Variants in ORMDL3 observed in about 807,000 individuals in gnomAD.
ORMDL3 encodes ORMDL sphingolipid biosynthesis regulator 3, also known as ORM1-like protein 3.
A neutral mutation model predicts 12.6 loss-of-function variants in ORMDL3; 6 were observed. That is an observed-to-expected ratio of 0.48 (90% CI 0.26 to 0.94). The LOEUF (loss-of-function observed/expected upper bound fraction) is 0.94, where lower values mean the gene tolerates loss of function less well. Ranked by LOEUF, ORMDL3 falls within the 40% of genes least tolerant of loss-of-function variation. The pLI is 0.14. For synonymous variants in ORMDL3, 99 were observed against 87.2 expected, an observed-to-expected ratio of 1.14 and a Z score of -0.75; for missense variants, 159 against 205.5, an observed-to-expected ratio of 0.77 and a Z score of 1.38.
At chr17:39,925,439 G>A (rs954497308) in intron 1 of ORMDL3, 1 of 152,178 alleles carries the variant, frequency 6.6e-6, no homozygotes, top group Non-Finnish European at 1.5e-5. Flanking sequence ...CTGAGATAGG[G>A]TCCTGCTTGC....
intron 1 of ORMDL3, chr17:39,926,750 G>C (rs1219653368): frequency 1.3e-5 from 13 of 977,756 alleles, no homozygotes; most frequent in Non-Finnish European, 1.6e-5. Flanking sequence ...AGCACCACCA[G>C]GGCAGCCACC....
Position 39,922,222 on chromosome 17 carries a change from C to A in ORMDL3, c.*328G>T. The A allele has an allele frequency of 4.7e-6, 1 of 212,202 alleles. No homozygotes were observed. Among genetic ancestry groups the A allele is most frequent in the East Asian group, 1.1e-4 (1 of 9,490 alleles). The allele number at this position is 212,202 out of a possible 1,614,324, so 13.1% of individuals were successfully genotyped here. ...AAACAAGTGAGCAGGGGTTTTTCCC[C>A]TGGCCTCCTGTCGCAACTGCGTGGT... On this transcript the variant is annotated 3_prime_UTR_variant, in exon 4 of 4. Transcript: ENST00000304046.
At chr17:39,924,259 A>G (rs1978323475) in intron 1 of ORMDL3, 34 bp from the exon 2 acceptor site, 1 of 1,528,314 alleles carries the variant, frequency 6.5e-7, no homozygotes, top group Non-Finnish European at 8.8e-7. Flanking sequence ...GACAGGTCAC[A>G]CTGCTTTCCC....
At chr17:39,924,591 G>A (rs932975583) in intron 1 of ORMDL3, among the ~76,000 whole-genome samples, 8 of 152,170 alleles carry the variant, frequency 5.3e-5, no homozygotes, top group African/African-American at 1.9e-4. Flanking sequence ...AAGCCCCAGG[G>A]AGAGAATTCT....
chr17:39,923,042 A>G, intron 3 of ORMDL3, 70 bp downstream of exon 3: 4 of 1,582,688 alleles, frequency 2.5e-6, no homozygotes, highest in Non-Finnish European at 2.6e-6. Flanking sequence ...GTTAATAAGC[A>G]TGGCTGGGCC....
At position 39,922,608 on chromosome 17, in the gene ORMDL3, A is replaced by G; in HGVS notation, c.404T>C (p.Leu135Pro). ...GTGGAGCTGGGGCAGCTTGGGGATA[A>G]GCACGCTCATCAGGGACACGGTGTT... is the stretch of plus-strand genomic sequence containing the variant. ...VLNTVSLMSV[L>P]IPKLPQLHGV... The change falls in exon 4 of 4, where the codon CTT (leucine) becomes CCT (proline). Residue 135 changes from leucine (L) to proline (P), a missense_variant. Physicochemically the swap from Leu to Pro is moderately conservative, Grantham distance 98. Coordinates refer to ENST00000304046, the MANE Select transcript of ORMDL3 (RefSeq NM_139280.4). 1 of 1,614,086 alleles carries G rather than the reference A, an allele frequency of 6.2e-7. No homozygotes were observed. The highest frequency in any genetic ancestry group is 8.5e-7 in the Non-Finnish European group (1 of 1,180,020).
intron 1 of ORMDL3, chr17:39,926,782 T>A: frequency 9.1e-6 from 9 of 984,918 alleles, no homozygotes; most frequent in Non-Finnish European, 1.1e-5. Context: ...TCCCATTCCC[T>A]CCCCCAGGAA....
chr17:39,925,199 G>A (rs1393478607), intron 1 of ORMDL3: 12 of 152,436 alleles, frequency 7.9e-5, no homozygotes, highest in Non-Finnish European at 1.5e-4. Flanking sequence ...CCTGTTTCCA[G>A]GTGTATATTA....
At chr17:39,923,052 C>A in intron 3 of ORMDL3, 60 bp downstream of exon 3, 1 of 1,601,784 alleles carries the variant, frequency 6.2e-7, no homozygotes, top group Non-Finnish European at 8.5e-7. Context: ...ATGGCTGGGC[C>A]CTGGGGTCCT....
At position 39,926,862 on chromosome 17, in the gene ORMDL3, G is replaced by A. The variant is rs1195582305; in HGVS notation, c.-23+622C>T. The A allele has an allele frequency of 6.1e-6, 6 of 985,926 alleles. No homozygotes were observed. The African/African-American group carries it at 7.0e-5, about 11-fold the overall frequency. 61.1% of individuals were successfully genotyped at this position (985,926 alleles called of 1,614,324 possible). ...AGCACAAAACATCCAGGCCTGGATGGGGACCCCAACGGGGAGTCCGGGGCA... is the reference window on the plus strand; with the variant it reads ...AGCACAAAACATCCAGGCCTGGATGAGGACCCCAACGGGGAGTCCGGGGCA... On this transcript the variant is annotated intron_variant, in intron 1 of 3. Transcript: ENST00000304046.
chr17:39,926,038 G>C (rs935866080), intron 1 of ORMDL3: 1 of 141,266 alleles, frequency 7.1e-6, no homozygotes, highest in Non-Finnish European at 1.5e-5. Context: ...TAAGGAGAGG[G>C]AAAGAGCTTC....
chr17:39,923,043 T>A, intron 3 of ORMDL3, 69 bp downstream of exon 3: 4 of 1,586,350 alleles, frequency 2.5e-6, no homozygotes, highest in Non-Finnish European at 3.5e-6. Context: ...TTAATAAGCA[T>A]GGCTGGGCCC....
At chr17:39,924,276 C>T in intron 1 of ORMDL3, 51 bp from the exon 2 acceptor site, 3 of 1,500,780 alleles carry the variant, frequency 2.0e-6, no homozygotes, top group African/African-American at 1.4e-5. Context: ...TCCCTGCCCC[C>T]TCTCACCCTC....
At chr17:39,925,788 C>G (rs544630558) in intron 1 of ORMDL3, 5 of 152,242 alleles carry the variant, frequency 3.3e-5, no homozygotes, top group Non-Finnish European at 5.9e-5. Context: ...GGGGCGCATT[C>G]TGATTGAAGA....
rs930964940 is a variant in ORMDL3 at position 39,921,878 on chromosome 17, G to C, written c.*672C>G. Reference sequence around the variant, plus strand: ...CCTACAGCTCCCCAACCTCCACCAGGCCAGGATGGCAGCAGCCCTGGCCCC... The same window carrying C: ...CCTACAGCTCCCCAACCTCCACCAGCCCAGGATGGCAGCAGCCCTGGCCCC... On this transcript the variant is annotated 3_prime_UTR_variant, in exon 4 of 4. Transcript: ENST00000304046. 1.3e-5 allele frequency: 2 copies of C among 152,384 alleles called. No homozygotes were observed. The highest frequency in any genetic ancestry group is 2.4e-5 in the African/African-American group (1 of 41,328). The allele number at this position is 152,384 out of a possible 1,614,324, so 9.4% of individuals were successfully genotyped here.
Position 39,924,221 on chromosome 17 carries a change from C to T in ORMDL3, c.-18G>A, listed in dbSNP as rs112862475. ...ACATTCATCCTGCTGCCCCTCTCTG[C>T]TGTTCTGCAAACAAGCAGCACAGGT... is the stretch of plus-strand genomic sequence containing the variant. On this transcript the variant is annotated 5_prime_UTR_variant, in exon 2 of 4. Coordinates refer to ENST00000304046, the MANE Select transcript of ORMDL3 (RefSeq NM_139280.4). The T allele has an allele frequency of 9.1e-4, 1,452 of 1,589,076 alleles. 12 individuals are homozygous for T. In the African/African-American group the frequency reaches 0.017, roughly 18 times the overall value.
At chr17:39,925,120 C>T (rs1978343927) in intron 1 of ORMDL3, 1 of 152,472 alleles carries the variant, frequency 6.6e-6, no homozygotes, top group South Asian at 2.1e-4. Flanking sequence ...AGACTCGAAC[C>T]TGTGGCCTCC....
chr17:39,927,345 C>CCCCTCGGCTGATGCACT, intron 1 of ORMDL3, 139 bp downstream of exon 1: 2 of 546,136 alleles, frequency 3.7e-6, no homozygotes, highest in Non-Finnish European at 4.7e-6. Context: ...GCCGATGCAC[C>CCCCTCGGCTGATGCACT]CCCTCGGCTG....
At chr17:39,923,077 G>A (rs1568111775) in intron 3 of ORMDL3, 35 bp downstream of exon 3, 1 of 1,613,046 alleles carries the variant, frequency 6.2e-7, no homozygotes, top group Non-Finnish European at 8.5e-7. Context: ...GCCTTGCCCT[G>A]CCTGCTGGTG....
Sources: gnomAD v4.1 joint callset for allele counts (sites outside exome capture counted in the v4.1 genomes callset) on GRCh38, gnomAD v4.1.1 for gene constraint, MANE v1.5 for transcripts, NCBI Gene and HGNC (gene_info 2026-07-23, HGNC 2026-07-21) for gene names.